FTO: variants seen among roughly 807,000 people sequenced by gnomAD.
FTO encodes FTO alpha-ketoglutarate dependent dioxygenase, also known as alpha-ketoglutarate-dependent dioxygenase FTO.
Under a neutral mutation model 63.9 loss-of-function variants are expected in FTO, and 47 were observed. That is an observed-to-expected ratio of 0.74 (90% confidence interval 0.58 to 0.94). The LOEUF is 0.94. Ranked by LOEUF, FTO falls within the 40% of genes least tolerant of loss-of-function variation. The probability of loss-of-function intolerance (pLI) is 0.00; values close to 1 mark genes in which losing one functional copy is unlikely to be tolerated. For missense variants in FTO, 562 were observed against 618.1 expected, an observed-to-expected ratio of 0.91 and a Z score of 0.96; for synonymous variants, 207 against 224.4, an observed-to-expected ratio of 0.92 and a Z score of 0.69.
At chr16:53,724,595 G>A (rs1427240836) in intron 1 of FTO, among the ~76,000 whole-genome samples, 2 of 152,208 alleles carry the variant, frequency 1.3e-5, no homozygotes, top group African/African-American at 4.8e-5. Flanking sequence ...GAATGTTCAT[G>A]GGAAACTGTC....
At chr16:53,723,694 A>T (rs1198515038) in intron 1 of FTO, among the ~76,000 whole-genome samples, 4 of 152,232 alleles carry the variant, frequency 2.6e-5, no homozygotes, top group African/African-American at 9.6e-5. Context: ...AAAGACAAAA[A>T]CCCAAAACTA....
chr16:53,742,657 A>T (rs899828753), intron 1 of FTO, among the ~76,000 whole-genome samples: 1 of 152,240 alleles, frequency 6.6e-6, no homozygotes, highest in Non-Finnish European at 1.5e-5. Context: ...AAGTAGCATA[A>T]AAGGAAGAAA....
Position 53,790,118 on chromosome 16 carries a change from A to G in FTO, c.46-20022A>G, listed in dbSNP as rs765783177. Among the ~76,000 whole-genome samples the G allele has an allele frequency of 4.6e-5, 7 of 150,858 alleles. No individual in the cohort carries two copies. The East Asian group carries it at 1.4e-3, about 29-fold the overall frequency. Reference sequence around the variant, plus strand: ...ATGTATTTTTAATTGTAAAATACACATAGGATAAAATTTATAATTTTAGTC... The same window carrying G: ...ATGTATTTTTAATTGTAAAATACACGTAGGATAAAATTTATAATTTTAGTC... On this transcript the variant is annotated intron_variant, in intron 1 of 8. Coordinates refer to ENST00000471389, the MANE Select transcript of FTO (RefSeq NM_001080432.3).
chr16:54,021,503 TTTTTGA>T (rs1342969232), intron 8 of FTO, among the ~76,000 whole-genome samples: 1 of 147,690 alleles, frequency 6.8e-6, no homozygotes, highest in African/African-American at 2.5e-5. Flanking sequence ...TGTTTGTTTG[TTTTTGA>T]GACAGAGTCT....
At chr16:53,886,343 A>G (rs1033308390) in intron 6 of FTO, among the ~76,000 whole-genome samples, 2 of 152,320 alleles carry the variant, frequency 1.3e-5, no homozygotes, top group Middle Eastern at 6.8e-3. Context: ...AAGACTGGAA[A>G]ATCTTTTAAA....
At chr16:53,752,516 T>G (rs1210230431) in intron 1 of FTO, among the ~76,000 whole-genome samples, 3 of 152,224 alleles carry the variant, frequency 2.0e-5, no homozygotes, top group Admixed American at 1.3e-4. Flanking sequence ...GAGGAAATCT[T>G]AATTCAAAAG....
At chr16:53,881,877 A>G (rs904667895) in intron 6 of FTO, among the ~76,000 whole-genome samples, 9 of 152,352 alleles carry the variant, frequency 5.9e-5, no homozygotes, top group South Asian at 4.1e-4. Context: ...AATAGATCCA[A>G]TGAAAACAGA....
chr16:54,018,409 G>GATAGATAGATAGATAGATAGATACATAC (rs1474063795), intron 8 of FTO, among the ~76,000 whole-genome samples: 2 of 142,138 alleles, frequency 1.4e-5, no homozygotes, highest in Admixed American at 7.0e-5. Flanking sequence ...TAGATAGATA[G>GATAGATAGATAGATAGATAGATACATAC]ATACATACAT....
chr16:53,720,948 C>G (rs568466130), intron 1 of FTO, among the ~76,000 whole-genome samples: 2 of 151,896 alleles, frequency 1.3e-5, no homozygotes, highest in Non-Finnish European at 2.9e-5. Flanking sequence ...TGCCACCAAG[C>G]CTGGCTAATT....
intron 4 of FTO, among the ~76,000 whole-genome samples, chr16:53,870,239 A>ATAAT (rs2080456214): frequency 6.6e-6 from 1 of 152,106 alleles, no homozygotes; most frequent in South Asian, 2.1e-4. Flanking sequence ...AAATAAATAA[A>ATAAT]GTCGCTATTT....
intron 8 of FTO, chr16:53,984,908 T>C (rs1360886144): frequency 2.2e-6 from 1 of 456,344 alleles, no homozygotes; most frequent in Non-Finnish European, 4.4e-6. Context: ...GGACACGGAG[T>C]AAAATGATGG....
intron 1 of FTO, among the ~76,000 whole-genome samples, chr16:53,707,742 A>G (rs911402714): frequency 2.6e-5 from 4 of 152,206 alleles, no homozygotes; most frequent in African/African-American, 9.7e-5. Context: ...TAATTTACAT[A>G]CCATAAAATT....
chr16:53,931,550 C>T (rs1429249018), intron 7 of FTO, among the ~76,000 whole-genome samples: 1 of 151,966 alleles, frequency 6.6e-6, no homozygotes, highest in Non-Finnish European at 1.5e-5. Flanking sequence ...TCAGGTGATC[C>T]ACTCACCTTG....
intron 1 of FTO, among the ~76,000 whole-genome samples, chr16:53,775,961 GT>G (rs1419442286): frequency 1.3e-5 from 2 of 152,022 alleles, no homozygotes; most frequent in Non-Finnish European, 2.9e-5. Flanking sequence ...GTAAATATTT[GT>G]TGTGGATTGA....
intron 1 of FTO, 84 bp downstream of exon 1, chr16:53,704,313 G>A: frequency 3.0e-6 from 4 of 1,350,442 alleles, no homozygotes; most frequent in South Asian, 1.2e-5. Flanking sequence ...TTGATGGCGA[G>A]CGGATGCGCG....
chr16:53,855,336 G>C (rs1365553229), intron 4 of FTO, among the ~76,000 whole-genome samples: 4 of 151,610 alleles, frequency 2.6e-5, no homozygotes, highest in African/African-American at 7.3e-5. Context: ...ACTTTTACTT[G>C]GATCATTTGT....
chr16:54,091,185 C>T (rs2086376346), intron 8 of FTO, among the ~76,000 whole-genome samples: 1 of 152,154 alleles, frequency 6.6e-6, no homozygotes, highest in Admixed American at 6.5e-5. Context: ...ATGCATGGAA[C>T]AAGTGAGAGC....
intron 8 of FTO, among the ~76,000 whole-genome samples, chr16:53,945,632 C>T (rs992136454): frequency 9.9e-5 from 15 of 152,158 alleles, no homozygotes; most frequent in African/African-American, 3.1e-4. Flanking sequence ...AAATAGTATC[C>T]AGCTAATGCA....
intron 8 of FTO, among the ~76,000 whole-genome samples, chr16:53,943,654 A>G (rs972631263): frequency 6.6e-6 from 1 of 152,244 alleles, no homozygotes; most frequent in African/African-American, 2.4e-5. Flanking sequence ...CTTTTATAAA[A>G]TGTGCATATA....
Sources: allele counts gnomAD v4.1 joint callset (sites outside exome capture counted in the v4.1 genomes callset), GRCh38; gene constraint gnomAD v4.1.1; transcripts MANE v1.5; gene names NCBI Gene and HGNC (gene_info 2026-07-23, HGNC 2026-07-21).